The following TMEM71 variants were observed in gnomAD, a reference collection of about 807,000 sequenced individuals.
TMEM71 encodes the protein transmembrane protein 71.
TMEM71 carries 44 observed loss-of-function variants against 38.0 expected under a neutral mutation model. That is an observed-to-expected ratio of 1.16 (90% CI 0.91 to 1.49). The LOEUF (loss-of-function observed/expected upper bound fraction) is 1.49. TMEM71 is among the 40% of genes most tolerant of loss of function. The pLI, the probability that TMEM71 is intolerant of heterozygous loss-of-function variation, is 0.00. For synonymous variants in TMEM71, 133 were observed against 122.5 expected (o/e 1.09, Z -0.56); for missense variants, 367 against 348.6 (o/e 1.05, Z -0.42).
chr8:132,720,494 T>G (rs149358101), intron 7 of TMEM71, among the ~76,000 whole-genome samples: 42 of 152,310 alleles, frequency 2.8e-4, no homozygotes, highest in African/African-American at 8.7e-4. Context: ...GTTTGGGATA[T>G]AGAATGCAGA....
At chr8:132,736,049 T>A (rs575516457) in intron 5 of TMEM71, among the ~76,000 whole-genome samples, 1 of 152,332 alleles carries the variant, frequency 6.6e-6, no homozygotes, top group Admixed American at 6.5e-5. Context: ...CCAAAGAGAT[T>A]GTAGCAAATG....
At chr8:132,711,027 G>T in intron 9 of TMEM71, 45 bp from the exon 10 acceptor site, 1 of 1,593,252 alleles carries the variant, frequency 6.3e-7, no homozygotes, top group Non-Finnish European at 8.6e-7. Context: ...TCATCCCCAT[G>T]CACAGGAAAT....
downstream of TMEM71, among the ~76,000 whole-genome samples, chr8:132,708,048 T>C (rs1234760401): frequency 1.3e-5 from 2 of 152,224 alleles, no homozygotes; most frequent in Non-Finnish European, 2.9e-5. Flanking sequence ...CATATTATGA[T>C]GATGACTATT....
chr8:132,757,662 A>G (rs1428802539), intron 2 of TMEM71, among the ~76,000 whole-genome samples: 1 of 151,884 alleles, frequency 6.6e-6, no homozygotes, highest in Non-Finnish European at 1.5e-5. Context: ...CGTCTTTACT[A>G]AAATATACAA....
intron 6 of TMEM71, among the ~76,000 whole-genome samples, chr8:132,726,852 TTC>T (rs1491464462): frequency 2.1e-5 from 3 of 143,960 alleles, no homozygotes; most frequent in African/African-American, 2.9e-5. Flanking sequence ...CTTCTTCTTC[TTC>T]TTTTTTTTTT....
At chr8:132,774,375 T>C in the TMEM71 span, among the ~76,000 whole-genome samples, 1 of 152,262 alleles carries the variant, frequency 6.6e-6, no homozygotes, top group Non-Finnish European at 1.5e-5. Context: ...CTTATTTATA[T>C]CTTTTCTATG....
chr8:132,753,051 GT>G (rs1027409614), intron 3 of TMEM71, among the ~76,000 whole-genome samples: 1 of 151,910 alleles, frequency 6.6e-6, no homozygotes, highest in Non-Finnish European at 1.5e-5. Context: ...AAACTGCTTG[GT>G]TTTTTTCCCT....
At chr8:132,753,030 T>C (rs776163383) in intron 3 of TMEM71, among the ~76,000 whole-genome samples, 34 of 152,048 alleles carry the variant, frequency 2.2e-4, no homozygotes, top group Non-Finnish European at 4.3e-4. Flanking sequence ...ATGTTATGTG[T>C]TCTTTCTTCA....
chr8:132,720,422 G>C (rs1826775980), intron 7 of TMEM71, among the ~76,000 whole-genome samples: 1 of 152,210 alleles, frequency 6.6e-6, no homozygotes, highest in African/African-American at 2.4e-5. Context: ...AATAAAGCTA[G>C]ACGTGTTCCT....
the TMEM71 span, among the ~76,000 whole-genome samples, chr8:132,771,630 T>C: frequency 1.3e-5 from 2 of 151,444 alleles, no homozygotes; most frequent in East Asian, 3.9e-4. Context: ...TTATTTACTT[T>C]AATAACATCA....
the TMEM71 span, among the ~76,000 whole-genome samples, chr8:132,772,339 T>C: frequency 1.3e-5 from 2 of 152,190 alleles, no homozygotes; most frequent in African/African-American, 2.4e-5. Flanking sequence ...CAAACACAGC[T>C]GTAAGTTCTT....
intron 5 of TMEM71, among the ~76,000 whole-genome samples, chr8:132,730,506 A>G (rs1827392982): frequency 2.0e-5 from 3 of 152,294 alleles, no homozygotes; most frequent in South Asian, 4.1e-4. Context: ...GAAAAAGATA[A>G]TCCTGCAGTG....
the TMEM71 span, among the ~76,000 whole-genome samples, chr8:132,772,846 C>T: frequency 2.0e-5 from 3 of 152,094 alleles, no homozygotes; most frequent in South Asian, 2.1e-4. Flanking sequence ...GTAACAGCTA[C>T]GCAACTAGAC....
chr8:132,714,047 T>C lies in TMEM71; in HGVS notation c.820A>G (p.Lys274Glu). The C allele has an allele frequency of 6.2e-7, 1 of 1,614,094 alleles. No homozygotes were observed. Among genetic ancestry groups the C allele is most frequent in the South Asian group, 1.1e-5 (1 of 91,086 alleles). ...CSLMITVAYV[K>E]SLFLSLASYF... ...CTGGCAAGGCTGAGAAACAATGATT[T>C]CACATCTTGAGTGAAACAGAGAAAA... Residue 274 changes from lysine (K) to glutamate (E), a missense_variant, in exon 9 of 10, where the codon AAA (lysine) becomes GAA (glutamate). By Grantham distance (56) the Lys-to-Glu change is moderately conservative. Coordinates refer to ENST00000677595, the MANE Select transcript of TMEM71 (RefSeq NM_001382403.1).
In TMEM71 at chr8:132,710,670, C is replaced by A; in HGVS notation, c.*297G>T. On this transcript the variant is annotated 3_prime_UTR_variant, in exon 10 of 10. Transcript: ENST00000677595. The stretch of plus-strand genomic sequence containing the variant: ...CTCGAGAACCACTGCCTTAAAGAAT[C>A]ATAGGGGGACATTTATTCCAGGCGG... 1.9e-6 allele frequency: 1 copy of A among 538,730 alleles called. No homozygotes were observed. Among genetic ancestry groups the A allele is most frequent in the South Asian group, 2.8e-5 (1 of 36,324 alleles). 33.4% of individuals were successfully genotyped at this position (538,730 alleles called of 1,614,324 possible).
At chr8:132,762,588 CT>C (rs1341002589), upstream of TMEM71, among the ~76,000 whole-genome samples, 1 of 152,064 alleles carries the variant, frequency 6.6e-6, no homozygotes, top group African/African-American at 2.4e-5. Context: ...GTTCTAAGGT[CT>C]TTCCACATAT....
At chr8:132,706,751 G>A (rs2130980559), downstream of TMEM71, among the ~76,000 whole-genome samples, 1 of 152,246 alleles carries the variant, frequency 6.6e-6, no homozygotes, top group African/African-American at 2.4e-5. Flanking sequence ...TGGGCAATCA[G>A]ACGGTAGATG....
chr8:132,756,097 A>G (rs367903410), intron 3 of TMEM71, among the ~76,000 whole-genome samples: 5 of 152,122 alleles, frequency 3.3e-5, no homozygotes, highest in African/African-American at 1.2e-4. Flanking sequence ...CTATAGGCAC[A>G]TTTCACAATG....
At chr8:132,756,411 TTATATATATATATATA>T (rs55767264) in intron 3 of TMEM71, among the ~76,000 whole-genome samples, 156 of 115,814 alleles carry the variant, frequency 1.3e-3, no homozygotes, top group Non-Finnish European at 1.9e-3. Context: ...AACATATATA[TTATATATATATATATA>T]TATATATATA....
Sources: allele counts gnomAD v4.1 joint callset (sites outside exome capture counted in the v4.1 genomes callset), GRCh38; gene constraint gnomAD v4.1.1; transcripts MANE v1.5; gene names NCBI Gene and HGNC (gene_info 2026-07-23, HGNC 2026-07-21).